The following WDFY3 variants were observed in gnomAD, a reference collection of about 807,000 sequenced individuals.
WDFY3 encodes the protein WD repeat and FYVE domain-containing protein 3.
WDFY3 carries 66 observed loss-of-function variants against 409.6 expected under a neutral mutation model. The ratio of observed to expected loss-of-function variants is 0.16; its 90% confidence interval spans 0.13 to 0.20. WDFY3 has a LOEUF of 0.20. WDFY3 is among the 10% of genes least tolerant of loss of function. The pLI is 1.00. For synonymous variants in WDFY3, 1,521 were observed against 1,537.1 expected (o/e 0.99, Z 0.25); for missense variants, 3,031 against 4,298.1 (o/e 0.71, Z 8.24).
intron 47 of WDFY3, 27 bp downstream of exon 47, chr4:84,721,381 CA>C: frequency 2.5e-6 from 4 of 1,610,730 alleles, no homozygotes; most frequent in Non-Finnish European, 2.5e-6. Context: ...GAAGTATTTA[CA>C]ATCCTTACTT....
At chr4:84,711,120 C>A (rs754787369) in intron 51 of WDFY3, among the ~76,000 whole-genome samples, 16 of 152,152 alleles carry the variant, frequency 1.1e-4, no homozygotes, top group Admixed American at 2.6e-4. Context: ...CCCCAAAGCA[C>A]TGCTTCTTTC....
At chr4:84,901,622 C>T (rs554822068) in intron 2 of WDFY3, among the ~76,000 whole-genome samples, 6 of 152,274 alleles carry the variant, frequency 3.9e-5, no homozygotes, top group African/African-American at 1.2e-4. Flanking sequence ...TACATTTCAA[C>T]ACCTGCATAT....
chr4:84,810,344 C>T lies in WDFY3; in HGVS notation c.1888G>A (p.Ala630Thr), dbSNP rs200986518. The change falls in exon 14 of 68, where the codon GCC (alanine) becomes ACC (threonine). Residue 630 changes from alanine (A) to threonine (T), a missense_variant and splice_region_variant. Physicochemically the swap from Ala to Thr is moderately conservative, Grantham distance 58 (BLOSUM62 0). Transcript: ENST00000295888. ...CTTTCTCGAAGGACCGACAGGAGGG[C>T]CTACAGGAGACAAAAGAAAAAACAA... Reference protein sequence around the residue: ...ELQLKTDILRALLSVLRESHR... With the variant: ...ELQLKTDILRTLLSVLRESHR... 64 of 1,560,332 alleles carry T rather than the reference C, an allele frequency of 4.1e-5. No homozygotes were observed. Among genetic ancestry groups the T allele is most frequent in the Non-Finnish European group, 4.5e-5 (52 of 1,160,734 alleles).
intron 2 of WDFY3, among the ~76,000 whole-genome samples, chr4:84,928,390 T>C (rs1484420757): frequency 6.6e-6 from 1 of 152,224 alleles, no homozygotes. Flanking sequence ...CAGCCTATGG[T>C]GAGACTTCTC....
chr4:84,702,343 C>G lies in WDFY3; in HGVS notation c.8596+10G>C. 6.3e-7 allele frequency: 1 copy of G among 1,595,438 alleles called. No individual in the cohort carries two copies. Among genetic ancestry groups the G allele is most frequent in the Non-Finnish European group, 8.5e-7 (1 of 1,172,086 alleles). Reference sequence around the variant, plus strand: ...TAACATTCCTAAGACAGTGCCATAGCTCTACGTACCTAGATCAAAGTTGTT... The same window carrying G: ...TAACATTCCTAAGACAGTGCCATAGGTCTACGTACCTAGATCAAAGTTGTT... On this transcript the variant is annotated intron_variant, in intron 56 of 67. Coordinates refer to ENST00000295888, the MANE Select transcript of WDFY3 (RefSeq NM_014991.6).
rs979105476 is a variant in WDFY3 at position 84,721,500 on chromosome 4, A to G, written c.7514T>C (p.Leu2505Pro). 5 of 1,612,758 alleles carry G rather than the reference A, an allele frequency of 3.1e-6. No homozygotes were observed. The East Asian group carries it at 1.1e-4, about 36-fold the overall frequency. The change falls in exon 47 of 68, where the codon CTA (leucine) becomes CCA (proline). Residue 2505 changes from leucine to proline, a missense_variant. By Grantham distance (98) the Leu-to-Pro change is moderately conservative. Around this residue, in one of 16 missense-constraint regions of WDFY3, gnomAD observed 127 missense variants for 144.4 expected, o/e 0.88. Coordinates refer to ENST00000295888, the MANE Select transcript of WDFY3 (RefSeq NM_014991.6). ...GCTGCCCTCAGCAATCTGGTCTTGT[A>G]GCTGCTCCTGGTTCTCCTCATCTCC... Reference protein sequence around the residue: ...DGGDEENQEQLQDQIAEGSSI... With the variant: ...DGGDEENQEQPQDQIAEGSSI...
chr4:84,711,032 C>A (rs575310097), intron 51 of WDFY3, among the ~76,000 whole-genome samples: 148 of 152,286 alleles, frequency 9.7e-4, no homozygotes, highest in Non-Finnish European at 1.7e-3. Flanking sequence ...AGACTGGAAT[C>A]AAATTTATTT....
chr4:84,729,205 A>C (rs901094974), intron 44 of WDFY3, among the ~76,000 whole-genome samples: 1 of 152,036 alleles, frequency 6.6e-6, no homozygotes, highest in Non-Finnish European at 1.5e-5. Flanking sequence ...TTATAGAATT[A>C]AAGCCTAGTT....
chr4:84,863,298 A>C (rs1347230027), intron 3 of WDFY3, among the ~76,000 whole-genome samples: 1 of 152,204 alleles, frequency 6.6e-6, no homozygotes, highest in Non-Finnish European at 1.5e-5. Context: ...AAGAATCTCT[A>C]AACTGTTTTC....
intron 4 of WDFY3, among the ~76,000 whole-genome samples, chr4:84,854,850 A>G (rs1280751854): frequency 6.6e-6 from 1 of 152,196 alleles, no homozygotes; most frequent in Non-Finnish European, 1.5e-5. Context: ...TGGAGGTTGC[A>G]GTGAGCCAAG....
chr4:84,874,522 T>A (rs1325479752), intron 3 of WDFY3, among the ~76,000 whole-genome samples: 3 of 152,158 alleles, frequency 2.0e-5, no homozygotes, highest in Non-Finnish European at 4.4e-5. Flanking sequence ...TCAGCATCAT[T>A]TACCAGTAAG....
intron 43 of WDFY3, among the ~76,000 whole-genome samples, chr4:84,734,301 T>C (rs1034500717): frequency 2.0e-5 from 3 of 152,196 alleles, no homozygotes; most frequent in African/African-American, 7.2e-5. Flanking sequence ...CAATGATTCA[T>C]GGAATATAAG....
chr4:84,841,364 A>G, intron 5 of WDFY3, 101 bp from the exon 6 acceptor site: 1 of 925,992 alleles, frequency 1.1e-6, no homozygotes, highest in Non-Finnish European at 1.7e-6. Context: ...CTAAGCACAT[A>G]ATTATATCAG....
At chr4:84,728,179 G>T (rs1229696394) in intron 44 of WDFY3, among the ~76,000 whole-genome samples, 1 of 152,052 alleles carries the variant, frequency 6.6e-6, no homozygotes, top group East Asian at 1.9e-4. Context: ...GAAGAAAACG[G>T]ATTCTTCAAC....
In WDFY3 at chr4:84,755,407, A is replaced by G. The variant is rs1452038560; in HGVS notation, c.5425-7T>C. The G allele has an allele frequency of 1.2e-6, 2 of 1,603,054 alleles. No individual in the cohort carries two copies. The highest frequency in any genetic ancestry group is 1.7e-6 in the Non-Finnish European group (2 of 1,177,394). ...AAATGGAATCCAAATCAAACTGCAGAGGTGAAAGGGAGCAAATATTAGCCA... is the reference window on the plus strand; with the variant it reads ...AAATGGAATCCAAATCAAACTGCAGGGGTGAAAGGGAGCAAATATTAGCCA... On this transcript the variant is annotated splice_polypyrimidine_tract_variant and splice_region_variant and intron_variant, in intron 33 of 67. Coordinates refer to ENST00000295888, the MANE Select transcript of WDFY3 (RefSeq NM_014991.6).
At chr4:84,926,159 C>T (rs1286028974) in intron 2 of WDFY3, among the ~76,000 whole-genome samples, 27 of 140,918 alleles carry the variant, frequency 1.9e-4, no homozygotes, top group African/African-American at 7.0e-4. Context: ...GAGCCAAGAT[C>T]GCGCCACCGC....
At chr4:84,965,728 C>T (rs1579325092) in intron 1 of WDFY3, 1 of 152,286 alleles carries the variant, frequency 6.6e-6, no homozygotes, top group African/African-American at 2.4e-5. Context: ...GGATGGAGGC[C>T]GCGCTCGGCT....
At chr4:84,721,364 T>C (rs753124801) in intron 47 of WDFY3, 45 bp downstream of exon 47, 7 of 1,601,552 alleles carry the variant, frequency 4.4e-6, no homozygotes, top group East Asian at 2.2e-5. Flanking sequence ...CTTAATAATA[T>C]GTTACTGAAG....
intron 11 of WDFY3, 45 bp from the exon 12 acceptor site, chr4:84,820,231 A>AT (rs757477098): frequency 4.1e-6 from 6 of 1,466,964 alleles, no homozygotes; most frequent in African/African-American, 1.4e-5. Context: ...TGATAAGCTT[A>AT]TTTTTTCTTG....
Sources: gnomAD v4.1 joint callset for allele counts (sites outside exome capture counted in the v4.1 genomes callset) on GRCh38, gnomAD v4.1.1 for gene constraint, gnomAD v4.1.1 regional missense constraint, MANE v1.5 for transcripts, NCBI Gene and HGNC (gene_info 2026-07-23, HGNC 2026-07-21) for gene names.